The following NALCN variants were observed in gnomAD, a reference collection of about 807,000 sequenced individuals.
NALCN encodes the protein sodium leak channel NALCN.
In NALCN, 111 loss-of-function variants were observed where a neutral mutation model predicts 225.3. That is an observed-to-expected ratio of 0.49 (90% CI 0.42 to 0.58). The LOEUF is 0.58. Among genes scored for constraint, NALCN ranks in the 20% least tolerant of loss-of-function variants. NALCN has a pLI of 0.00. For missense variants in NALCN, 1,378 were observed against 2,202.4 expected (o/e 0.63, Z 7.49); for synonymous variants, 764 against 769.0 (o/e 0.99, Z 0.11).
chr13:101,327,901 T>C (rs1490704331), intron 7 of NALCN, among the ~76,000 whole-genome samples: 1 of 152,210 alleles, frequency 6.6e-6, no homozygotes, highest in South Asian at 2.1e-4. Context: ...AATGGCCAGA[T>C]GGTAAACATT....
At chr13:101,327,956 T>G (rs898888696) in intron 7 of NALCN, among the ~76,000 whole-genome samples, 1 of 152,176 alleles carries the variant, frequency 6.6e-6, no homozygotes, top group Non-Finnish European at 1.5e-5. Flanking sequence ...CTACTGAACT[T>G]TTCTGCTGTT....
intron 14 of NALCN, among the ~76,000 whole-genome samples, chr13:101,182,742 C>T (rs1001714991): frequency 6.6e-6 from 1 of 152,042 alleles, no homozygotes; most frequent in Non-Finnish European, 1.5e-5. Context: ...GAAGTCTGAC[C>T]CAAGGCTTTG....
chr13:101,247,603 T>A (rs1452657837), intron 11 of NALCN, among the ~76,000 whole-genome samples: 1 of 152,210 alleles, frequency 6.6e-6, no homozygotes, highest in Non-Finnish European at 1.5e-5. Flanking sequence ...TCAAACTTTT[T>A]TTTCACCATC....
At chr13:101,263,128 C>T (rs1300541021) in intron 10 of NALCN, among the ~76,000 whole-genome samples, 1 of 152,162 alleles carries the variant, frequency 6.6e-6, no homozygotes, top group East Asian at 1.9e-4. Flanking sequence ...TTGAGACATG[C>T]CAGTGACATC....
At chr13:101,326,987 G>C (rs554688765) in intron 7 of NALCN, among the ~76,000 whole-genome samples, 1 of 152,146 alleles carries the variant, frequency 6.6e-6, no homozygotes, top group African/African-American at 2.4e-5. Flanking sequence ...GCAGGGCCTC[G>C]TGGGACCTTA....
chr13:101,110,790 C>A, intron 19 of NALCN, 102 bp from the exon 20 acceptor site: 2 of 1,126,846 alleles, frequency 1.8e-6, no homozygotes, highest in Non-Finnish European at 2.7e-6. Flanking sequence ...TCTGCTACAA[C>A]GCCACAAATG....
At chr13:101,332,097 T>A (rs1320300243) in intron 7 of NALCN, among the ~76,000 whole-genome samples, 1 of 152,000 alleles carries the variant, frequency 6.6e-6, no homozygotes, top group African/African-American at 2.4e-5. Flanking sequence ...AAAGCACGAT[T>A]TAAAGACATG....
intron 6 of NALCN, among the ~76,000 whole-genome samples, chr13:101,376,357 CA>C (rs2046688967): frequency 6.6e-6 from 1 of 151,588 alleles, no homozygotes; most frequent in Non-Finnish European, 1.5e-5. Context: ...AAAAATTGGA[CA>C]AAACAAAAAT....
At chr13:101,337,320 A>ATTTTTTTT (rs1287078001) in intron 7 of NALCN, among the ~76,000 whole-genome samples, 74 of 135,470 alleles carry the variant, frequency 5.5e-4, no homozygotes, top group African/African-American at 1.8e-3. Context: ...TTATTTATTT[A>ATTTTTTTT]TTTTTTGAGA....
intron 7 of NALCN, among the ~76,000 whole-genome samples, chr13:101,297,498 A>C (rs1249804330): frequency 6.6e-6 from 1 of 152,232 alleles, no homozygotes; most frequent in African/African-American, 2.4e-5. Context: ...TTGAACTTTA[A>C]CCCCTCCAGG....
Position 101,122,878 on chromosome 13 carries a change from T to G in NALCN, c.2192+1730A>C, listed in dbSNP as rs115200105. On this transcript the variant is annotated intron_variant, in intron 18 of 43. Coordinates refer to ENST00000251127, the MANE Select transcript of NALCN (RefSeq NM_052867.4). ...GGGAAGGAAGTTATCCATAAAACTG[T>G]CACCTGGATAAATAATAAGGCACGG... Among the ~76,000 whole-genome samples the G allele has an allele frequency of 4.4e-3, 673 of 152,312 alleles. 9 individuals carry two copies. The highest frequency in any genetic ancestry group is 0.015 in the African/African-American group (639 of 41,564).
intron 9 of NALCN, among the ~76,000 whole-genome samples, chr13:101,289,570 T>G (rs943831979): frequency 6.9e-6 from 1 of 145,480 alleles, no homozygotes; most frequent in Non-Finnish European, 1.6e-5. Context: ...TCTATACACA[T>G]GGCTGTTATG....
rs898706156 is a variant in NALCN at position 101,054,028 on chromosome 13, A to G, written c.*1267T>C. ...GATTATAAAACAACCTGGAGGTCAC[A>G]GGATTCTGAGATAATCCCTCTGTTA... On this transcript the variant is annotated 3_prime_UTR_variant, in exon 44 of 44. Transcript: ENST00000251127. The G allele has an allele frequency of 6.6e-6, 1 of 152,232 alleles. No homozygotes were observed. Among genetic ancestry groups the G allele is most frequent in the Non-Finnish European group, 1.5e-5 (1 of 68,034 alleles). The allele number at this position is 152,232 out of a possible 1,614,324, so 9.4% of individuals were successfully genotyped here. A position where few individuals can be genotyped will look rare whatever the true frequency, so the allele number is the denominator to read the frequency against.
intron 6 of NALCN, chr13:101,368,529 A>G (rs2046446171): frequency 6.6e-6 from 1 of 152,186 alleles, no homozygotes; most frequent in South Asian, 2.1e-4. Context: ...AGGAAACAGA[A>G]AAGTTTAAAA....
intron 6 of NALCN, among the ~76,000 whole-genome samples, chr13:101,355,080 G>A (rs774266700): frequency 2.1e-5 from 3 of 142,624 alleles, no homozygotes; most frequent in African/African-American, 3.1e-5. Flanking sequence ...TCTCTCTCTC[G>A]TGTTCATTCT....
At chr13:101,208,705 G>A (rs1299838240) in intron 13 of NALCN, among the ~76,000 whole-genome samples, 2 of 152,186 alleles carry the variant, frequency 1.3e-5, no homozygotes. Flanking sequence ...GATAACGAGT[G>A]AGCTCTCGCT....
chr13:101,262,515 C>T (rs573451249), intron 10 of NALCN, among the ~76,000 whole-genome samples: 1 of 152,296 alleles, frequency 6.6e-6, no homozygotes, highest in Admixed American at 6.5e-5. Context: ...CACCACACAT[C>T]CTCTTTCTGA....
chr13:101,076,002 AT>A (rs1361525540), intron 34 of NALCN, 61 bp from the exon 35 acceptor site: 34 of 1,421,142 alleles, frequency 2.4e-5, no homozygotes, highest in Non-Finnish European at 2.7e-5. Flanking sequence ...TTACAGTTCC[AT>A]TTTTTAAGCC....
In NALCN at chr13:101,082,796, C is replaced by A. The variant is rs773224796; in HGVS notation, c.3765+13G>T. 1 of 1,614,024 alleles carries A rather than the reference C, an allele frequency of 6.2e-7. No individual in the cohort carries two copies. The highest frequency in any genetic ancestry group is 8.5e-7 in the Non-Finnish European group (1 of 1,179,880). On this transcript the variant is annotated intron_variant, in intron 33 of 43. Transcript: ENST00000251127. ...CACAGATTCCCCCAGAGCTAGCTGA[C>A]TCATTACAGTACCTCCAGAACAAAG...
Sources: allele counts gnomAD v4.1 joint callset (sites outside exome capture counted in the v4.1 genomes callset), GRCh38; gene constraint gnomAD v4.1.1; transcripts MANE v1.5; gene names NCBI Gene and HGNC (gene_info 2026-07-23, HGNC 2026-07-21).